CBFB: variants seen among roughly 807,000 people sequenced by gnomAD.
CBFB encodes the protein core-binding factor subunit beta.
CBFB carries 9 observed loss-of-function variants against 30.4 expected under a neutral mutation model. The ratio of observed to expected loss-of-function variants is 0.30; its 90% CI spans 0.18 to 0.52. The LOEUF is 0.52. CBFB is among the 20% of genes least tolerant of loss of function. The pLI, the probability that CBFB is intolerant of heterozygous loss-of-function variation, is 0.97. For synonymous variants in CBFB, 94 were observed against 84.0 expected (o/e 1.12, Z -0.65); for missense variants, 170 against 244.0 (o/e 0.70, Z 2.02).
intron 5 of CBFB, among the ~76,000 whole-genome samples, chr16:67,090,086 G>A (rs974804144): frequency 2.6e-5 from 4 of 152,160 alleles, no homozygotes; most frequent in African/African-American, 9.7e-5. Context: ...AACCAGTAAA[G>A]GATTTTGGAC....
chr16:67,056,513 T>C (rs1960728422), intron 3 of CBFB, among the ~76,000 whole-genome samples: 1 of 151,990 alleles, frequency 6.6e-6, no homozygotes, highest in Non-Finnish European at 1.5e-5. Context: ...TGGCAAGTCG[T>C]GTGTGTGTGT....
intron 5 of CBFB, among the ~76,000 whole-genome samples, chr16:67,088,659 A>G (rs1429985628): frequency 6.6e-6 from 1 of 152,206 alleles, no homozygotes; most frequent in African/African-American, 2.4e-5. Context: ...TAATGGTTCT[A>G]GTGGGTGGTC....
At chr16:67,043,061 TC>T (rs1375764362) in intron 3 of CBFB, among the ~76,000 whole-genome samples, 1 of 152,192 alleles carries the variant, frequency 6.6e-6, no homozygotes, top group Non-Finnish European at 1.5e-5. Context: ...GATCCATTCT[TC>T]AAGTCACTTT....
Position 67,067,765 on chromosome 16 carries a change from A to G in CBFB, c.399+967A>G, listed in dbSNP as rs1001811959. Among the ~76,000 whole-genome samples the G allele has an allele frequency of 5.8e-4, 89 of 152,350 alleles. 1 individual carries two copies. Among genetic ancestry groups the G allele is most frequent in the African/African-American group, 2.0e-3 (84 of 41,588 alleles). On this transcript the variant is annotated intron_variant, in intron 4 of 5. Coordinates refer to ENST00000412916, the MANE Select transcript of CBFB (RefSeq NM_022845.3). ...GGAAAAAAAAAATCCATGCCCAGGC[A>G]TATTGTTTAAAATGATAGAGGTCTC...
chr16:67,036,261 T>G (rs983912482), intron 2 of CBFB, among the ~76,000 whole-genome samples: 6 of 152,186 alleles, frequency 3.9e-5, no homozygotes, highest in African/African-American at 7.2e-5. Context: ...GTGGTATTCT[T>G]TAAAATTCAA....
intron 4 of CBFB, among the ~76,000 whole-genome samples, chr16:67,068,163 A>T (rs1312713095): frequency 1.3e-5 from 2 of 152,184 alleles, no homozygotes; most frequent in East Asian, 3.8e-4. Context: ...CTGATCCAGG[A>T]ACAACCCCCC....
Position 67,066,000 on chromosome 16 carries a change from A to G in CBFB, c.283-682A>G, listed in dbSNP as rs573933580. ...AACCACATACTACTTAATGTGATATAATAGTAAATATTATACCAGTTAAAG... is the reference window on the plus strand; with the variant it reads ...AACCACATACTACTTAATGTGATATGATAGTAAATATTATACCAGTTAAAG... On this transcript the variant is annotated intron_variant, in intron 3 of 5. Coordinates refer to ENST00000412916, the MANE Select transcript of CBFB (RefSeq NM_022845.3). 2.6e-5 allele frequency among the ~76,000 whole-genome samples: 4 copies of G among 152,330 alleles called. No homozygotes were observed. In the East Asian group the frequency reaches 7.7e-4, roughly 29 times the overall value.
chr16:67,046,255 C>T (rs1403694412), intron 3 of CBFB, among the ~76,000 whole-genome samples: 10 of 152,048 alleles, frequency 6.6e-5, no homozygotes, highest in East Asian at 1.9e-4. Flanking sequence ...CACAGGCACG[C>T]GCCACCATGC....
At chr16:67,059,977 T>TTTC (rs1351976177) in intron 3 of CBFB, among the ~76,000 whole-genome samples, 22 of 128,262 alleles carry the variant, frequency 1.7e-4, no homozygotes, top group African/African-American at 6.9e-4. Context: ...TCTTTCTTTC[T>TTTC]TTTTTTTTTT....
At chr16:67,075,196 A>AATATGT (rs145342607) in intron 4 of CBFB, among the ~76,000 whole-genome samples, 2 of 42,116 alleles carry the variant, frequency 4.7e-5, no homozygotes, top group Non-Finnish European at 9.9e-5. Context: ...TCTCAAAAAA[A>AATATGT]ATGTGTGTGT....
chr16:67,038,594 C>G (rs1415849134), intron 3 of CBFB, among the ~76,000 whole-genome samples: 1 of 152,020 alleles, frequency 6.6e-6, no homozygotes, highest in Non-Finnish European at 1.5e-5. Context: ...CCAGATTTTA[C>G]TATTTGGTAA....
chr16:67,077,420 C>T (rs1172099412), intron 4 of CBFB, among the ~76,000 whole-genome samples: 1 of 152,124 alleles, frequency 6.6e-6, no homozygotes, highest in East Asian at 1.9e-4. Flanking sequence ...TGCACAAAAA[C>T]GTGGGTGAAA....
chr16:67,033,335 T>C (rs1426921587), intron 2 of CBFB, among the ~76,000 whole-genome samples: 1 of 152,214 alleles, frequency 6.6e-6, no homozygotes, highest in Non-Finnish European at 1.5e-5. Context: ...GAATCTGTAG[T>C]AGAATCTGAT....
intron 5 of CBFB, among the ~76,000 whole-genome samples, chr16:67,093,214 G>A (rs902443671): frequency 6.6e-6 from 1 of 152,156 alleles, no homozygotes; most frequent in South Asian, 2.1e-4. Flanking sequence ...CCGAAGTGCT[G>A]TAAACTGTAG....
intron 3 of CBFB, among the ~76,000 whole-genome samples, chr16:67,058,744 G>A (rs1960805121): frequency 6.6e-6 from 1 of 152,136 alleles, no homozygotes; most frequent in African/African-American, 2.4e-5. Context: ...GAGAACCTAA[G>A]GAGTAATGAA....
chr16:67,085,975 G>T (rs1961723372), intron 5 of CBFB, among the ~76,000 whole-genome samples: 1 of 152,154 alleles, frequency 6.6e-6, no homozygotes, highest in African/African-American at 2.4e-5. Flanking sequence ...ACTGTGCCCG[G>T]CTTAAAATTT....
chr16:67,066,826 A>G, intron 4 of CBFB, 28 bp downstream of exon 4: 2 of 1,317,654 alleles, frequency 1.5e-6, no homozygotes, highest in Non-Finnish European at 2.2e-6. Context: ...TTTATTGAGC[A>G]TGGTCCCTTT....
rs779674724 is a variant in CBFB, at chr16:67,029,371, C to A, written c.-37C>A. The A allele has an allele frequency of 4.8e-6, 7 of 1,459,602 alleles. No individual in the cohort carries two copies. Among genetic ancestry groups the A allele is most frequent in the African/African-American group, 4.4e-5 (3 of 67,458 alleles). 90.4% of individuals were successfully genotyped at this position (1,459,602 alleles called of 1,614,324 possible). On this transcript the variant is annotated 5_prime_UTR_variant, in exon 1 of 6. Coordinates refer to ENST00000412916, the MANE Select transcript of CBFB (RefSeq NM_022845.3). Reference sequence around the variant, plus strand: ...AGCCAGCGGGTGCCCGCGCAAGCCCCGAGCGCGGCCGGCCGGCGCGGCCTC... The same window carrying A: ...AGCCAGCGGGTGCCCGCGCAAGCCCAGAGCGCGGCCGGCCGGCGCGGCCTC...
chr16:67,091,588 T>C (rs1216496551), intron 5 of CBFB, among the ~76,000 whole-genome samples: 4 of 152,216 alleles, frequency 2.6e-5, no homozygotes, highest in Admixed American at 1.3e-4. Context: ...CATTTTAAAA[T>C]GTTACTTTAT....
Sources: gnomAD v4.1 joint callset for allele counts (sites outside exome capture counted in the v4.1 genomes callset) on GRCh38, gnomAD v4.1.1 for gene constraint, MANE v1.5 for transcripts, NCBI Gene and HGNC (gene_info 2026-07-23, HGNC 2026-07-21) for gene names.